DCLRE1C: variants seen among roughly 807,000 people sequenced by gnomAD.
DCLRE1C encodes protein artemis.
Under a neutral mutation model 61.4 loss-of-function variants are expected in DCLRE1C, and 47 were observed. The observed-to-expected ratio is 0.77, with a 90% confidence interval of 0.61 to 0.98. DCLRE1C has a LOEUF of 0.98. Ranked by LOEUF, DCLRE1C falls within the 50% of genes least tolerant of loss-of-function variation. The probability of loss-of-function intolerance (pLI) is 0.00; values close to 1 mark genes in which losing one functional copy is unlikely to be tolerated. For missense variants in DCLRE1C, 858 were observed against 816.0 expected (o/e 1.05, Z -0.63); for synonymous variants, 337 against 287.6 (o/e 1.17, Z -1.74).
intron 3 of DCLRE1C, among the ~76,000 whole-genome samples, chr10:14,940,526 G>C (rs1277155915): frequency 1.3e-5 from 2 of 151,944 alleles, no homozygotes; most frequent in Admixed American, 1.3e-4. Flanking sequence ...CCTAACCTCA[G>C]GATCAACTGC....
At chr10:14,921,059 C>T (rs1313444928) in intron 12 of DCLRE1C, among the ~76,000 whole-genome samples, 1 of 151,844 alleles carries the variant, frequency 6.6e-6, no homozygotes, top group African/African-American at 2.4e-5. Context: ...TGGCTCACAC[C>T]TGTAATCCCA....
At chr10:14,902,589 A>T (rs1340202521), downstream of DCLRE1C, 8 of 890,152 alleles carry the variant, frequency 9.0e-6, no homozygotes, top group Non-Finnish European at 1.1e-5. Context: ...CATATTTGGG[A>T]CTCTTATTAT....
At chr10:14,912,609 T>C (rs928257961) in intron 13 of DCLRE1C, among the ~76,000 whole-genome samples, 7 of 152,232 alleles carry the variant, frequency 4.6e-5, no homozygotes, top group African/African-American at 1.2e-4. Flanking sequence ...TATGAAATAC[T>C]GATATATGCC....
intron 9 of DCLRE1C, 119 bp from the exon 10 acceptor site, chr10:14,928,271 A>T (rs1359765361): frequency 2.3e-5 from 20 of 884,282 alleles, no homozygotes; most frequent in Admixed American, 5.4e-5. Context: ...AAAATAAAAA[A>T]AAAGCAGCAA....
chr10:14,899,364 C>G (rs1231873294), intron 13 of DCLRE1C: 2 of 724,718 alleles, frequency 2.8e-6, no homozygotes, highest in Non-Finnish European at 4.7e-6. Context: ...TTTTCTTCCC[C>G]TCATTTTCCC....
intron 8 of DCLRE1C, among the ~76,000 whole-genome samples, chr10:14,933,424 G>A (rs938603526): frequency 2.0e-5 from 3 of 152,138 alleles, no homozygotes; most frequent in African/African-American, 7.2e-5. Context: ...ATCACTTGAG[G>A]TCAGGAGATC....
At chr10:14,904,552 G>A (rs1834238566), downstream of DCLRE1C, among the ~76,000 whole-genome samples, 1 of 151,626 alleles carries the variant, frequency 6.6e-6, no homozygotes, top group Non-Finnish European at 1.5e-5. Context: ...CCACTTTTTT[G>A]TGTTCAACAA....
At chr10:14,946,444 A>G (rs1841701226) in intron 2 of DCLRE1C, among the ~76,000 whole-genome samples, 1 of 152,186 alleles carries the variant, frequency 6.6e-6, no homozygotes, top group South Asian at 2.1e-4. Context: ...AGATACTAAA[A>G]TTCCTCCACT....
At chr10:14,929,792 C>G (rs564132895) in intron 9 of DCLRE1C, among the ~76,000 whole-genome samples, 3 of 152,124 alleles carry the variant, frequency 2.0e-5, no homozygotes, top group Non-Finnish European at 4.4e-5. Context: ...AAACCATTAA[C>G]GTTCCATCCC....
exon 14 of DCLRE1C, chr10:14,897,681 T>C (rs1356165107): frequency 8.9e-6 from 5 of 561,072 alleles, no homozygotes; most frequent in Non-Finnish European, 1.3e-5. Flanking sequence ...CTGGCATATT[T>C]AGAAATAAAA....
chr10:14,920,201 T>A (rs1274197261), intron 12 of DCLRE1C, among the ~76,000 whole-genome samples: 1 of 152,326 alleles, frequency 6.6e-6, no homozygotes, highest in African/African-American at 2.4e-5. Context: ...TGACATCCTC[T>A]GGCATTCGGG....
chr10:14,932,806 T>C, intron 9 of DCLRE1C, 48 bp downstream of exon 9: 1 of 1,606,262 alleles, frequency 6.2e-7, no homozygotes, highest in Non-Finnish European at 8.5e-7. Context: ...CTTTCTTCTT[T>C]TTCATAGATT....
chr10:14,923,800 A>G (rs1457941603), intron 11 of DCLRE1C: 1 of 152,640 alleles, frequency 6.6e-6, no homozygotes, highest in Non-Finnish European at 1.5e-5. Flanking sequence ...GGATCCAAAC[A>G]CTGCCCATTG....
upstream of DCLRE1C, chr10:14,954,258 C>T (rs1039430014): frequency 6.6e-6 from 4 of 609,252 alleles, no homozygotes; most frequent in Non-Finnish European, 1.2e-5. Flanking sequence ...CTGAGCCCTG[C>T]CCAGTGCAAG....
At chr10:14,917,593 G>A (rs992552475) in intron 13 of DCLRE1C, among the ~76,000 whole-genome samples, 1 of 152,138 alleles carries the variant, frequency 6.6e-6, no homozygotes, top group African/African-American at 2.4e-5. Flanking sequence ...GGAGGCCAAG[G>A]CAGGCAGATT....
chr10:14,954,128 C>T, upstream of DCLRE1C: 1 of 1,542,834 alleles, frequency 6.5e-7, no homozygotes, highest in Non-Finnish European at 8.8e-7. Context: ...CGGCCGAACG[C>T]AGCCACGTCC....
At chr10:14,924,649 C>T (rs750861727) in intron 11 of DCLRE1C, among the ~76,000 whole-genome samples, 5 of 152,020 alleles carry the variant, frequency 3.3e-5, no homozygotes, top group Non-Finnish European at 7.4e-5. Context: ...GAGTTCGAGA[C>T]CAACCTGGCT....
chr10:14,911,336 T>C (rs1835221512), intron 13 of DCLRE1C: 1 of 152,172 alleles, frequency 6.6e-6, no homozygotes, highest in South Asian at 2.1e-4. Flanking sequence ...TGTTCCTGCA[T>C]AACAAAGGTA....
In DCLRE1C at chr10:14,919,814, C is replaced by T; in HGVS notation, c.1080G>A (p.Arg360=). ...ACTTTGGCTCCGTACTTTGGGAAGA[C>T]CGGCATAAAGGCTTTAAGCTGAAAT... ...KVVEILKPLC[R]SSQSTEPKYK... The change falls in exon 13 of 14, where the codon CGG becomes CGA. Residue 360 remains arginine (R), a synonymous_variant. Coordinates refer to ENST00000378278, the MANE Select transcript of DCLRE1C (RefSeq NM_001033855.3). 6.2e-7 allele frequency: 1 copy of T among 1,613,530 alleles called. No homozygotes were observed. Among genetic ancestry groups the T allele is most frequent in the East Asian group, 2.2e-5 (1 of 44,874 alleles).
Sources: gnomAD v4.1 joint callset for allele counts (sites outside exome capture counted in the v4.1 genomes callset) on GRCh38, gnomAD v4.1.1 for gene constraint, MANE v1.5 for transcripts, NCBI Gene and HGNC (gene_info 2026-07-23, HGNC 2026-07-21) for gene names.